Variants in AGBL1 observed in about 807,000 individuals in gnomAD.
AGBL1 encodes the protein AGBL carboxypeptidase 1, also known as cytosolic carboxypeptidase 4.
A neutral mutation model predicts 118.9 loss-of-function variants in AGBL1; 130 were observed. That is an observed-to-expected ratio of 1.09 (90% CI 0.95 to 1.26). The LOEUF (loss-of-function observed/expected upper bound fraction) is 1.26. AGBL1 is among the 50% of genes most tolerant of loss of function. The pLI is 0.00. For missense variants in AGBL1, 1,584 were observed against 1,298.1 expected, an observed-to-expected ratio of 1.22 and a Z score of -3.38; for synonymous variants, 555 against 478.9, an observed-to-expected ratio of 1.16 and a Z score of -2.08.
At chr15:86,083,745 A>G (rs1306073510) in intron 1 of AGBL1, 1 of 152,204 alleles carries the variant, frequency 6.6e-6, no homozygotes, top group Non-Finnish European at 1.5e-5. Context: ...AGGGTAGAAA[A>G]ATGATGACTG....
chr15:86,101,765 A>C (rs1395462986), intron 1 of AGBL1, among the ~76,000 whole-genome samples: 1 of 151,614 alleles, frequency 6.6e-6, no homozygotes, highest in African/African-American at 2.4e-5. Context: ...ATGTTTCTTT[A>C]CAGGTGAGAT....
At chr15:86,996,465 C>T (rs2081381303) in intron 24 of AGBL1, among the ~76,000 whole-genome samples, 1 of 152,124 alleles carries the variant, frequency 6.6e-6, no homozygotes, top group Admixed American at 6.6e-5. Flanking sequence ...GAGATTCACC[C>T]CTGTTCTTGC....
chr15:86,258,193 T>C (rs1400963883), intron 9 of AGBL1, among the ~76,000 whole-genome samples, 162 bp downstream of exon 9: 9 of 152,230 alleles, frequency 5.9e-5, no homozygotes, highest in African/African-American at 2.2e-4. Context: ...GCTACTGTTA[T>C]TGATTTCCAA....
chr15:86,384,382 A>C (rs1046420903), intron 17 of AGBL1, among the ~76,000 whole-genome samples: 5 of 152,106 alleles, frequency 3.3e-5, no homozygotes, highest in African/African-American at 1.2e-4. Context: ...AAATCAGCTG[A>C]TAGATTGATG....
chr15:86,744,154 C>A (rs1439574762), intron 22 of AGBL1, among the ~76,000 whole-genome samples: 1 of 152,018 alleles, frequency 6.6e-6, no homozygotes, highest in Non-Finnish European at 1.5e-5. Flanking sequence ...CAAACATTTC[C>A]AATGACTAAC....
At chr15:86,435,440 G>C (rs1006047856) in intron 18 of AGBL1, among the ~76,000 whole-genome samples, 1 of 152,162 alleles carries the variant, frequency 6.6e-6, no homozygotes, top group Non-Finnish European at 1.5e-5. Flanking sequence ...ACTTCAATCA[G>C]ACTTTTGGTA....
chr15:86,275,529 C>G (rs2079237117), intron 15 of AGBL1, among the ~76,000 whole-genome samples: 1 of 152,142 alleles, frequency 6.6e-6, no homozygotes, highest in East Asian at 1.9e-4. Context: ...ATGCACCCTG[C>G]TGAAAAGAAA....
At chr15:86,344,239 T>C (rs924789392) in intron 17 of AGBL1, among the ~76,000 whole-genome samples, 3 of 152,192 alleles carry the variant, frequency 2.0e-5, no homozygotes, top group Non-Finnish European at 4.4e-5. Context: ...ACTGTTATTG[T>C]CACACTGAGT....
At chr15:86,442,143 T>C (rs2082071707) in intron 18 of AGBL1, among the ~76,000 whole-genome samples, 1 of 152,230 alleles carries the variant, frequency 6.6e-6, no homozygotes, top group Admixed American at 6.5e-5. Flanking sequence ...TGTCACTGGG[T>C]ACCAGCTATG....
chr15:86,799,679 T>G (rs887480663), intron 22 of AGBL1, among the ~76,000 whole-genome samples: 5 of 152,162 alleles, frequency 3.3e-5, no homozygotes, highest in African/African-American at 1.2e-4. Context: ...TCACTTCTAT[T>G]TTTTTGTTGA....
At chr15:86,944,882 G>A (rs534364859) in intron 23 of AGBL1, among the ~76,000 whole-genome samples, 2 of 152,258 alleles carry the variant, frequency 1.3e-5, no homozygotes, top group Non-Finnish European at 2.9e-5. Context: ...CTTTTGCAGG[G>A]AAAAGGGTTT....
intron 5 of AGBL1, among the ~76,000 whole-genome samples, chr15:86,204,515 TCC>T (rs59757562): frequency 0.35 from 48,248 of 138,040 alleles, 8,236 homozygotes; most frequent in South Asian, 0.49. Context: ...CCCTTCCCCT[TCC>T]CCTTCCTTCC....
intron 22 of AGBL1, among the ~76,000 whole-genome samples, chr15:86,732,063 C>T (rs1453915364): frequency 1.3e-5 from 2 of 152,156 alleles, no homozygotes; most frequent in African/African-American, 2.4e-5. Flanking sequence ...ACTGTTATCC[C>T]CATTTTACAG....
At chr15:86,779,327 C>A (rs1439070341) in intron 22 of AGBL1, among the ~76,000 whole-genome samples, 3 of 152,206 alleles carry the variant, frequency 2.0e-5, no homozygotes, top group Non-Finnish European at 4.4e-5. Context: ...AGAACTCTAA[C>A]AAATAACTTT....
intron 22 of AGBL1, among the ~76,000 whole-genome samples, chr15:86,862,701 C>A (rs1441474642): frequency 5.3e-5 from 8 of 152,204 alleles, no homozygotes. Flanking sequence ...GCCTGGTTGA[C>A]AGAACGAGAC....
intron 23 of AGBL1, among the ~76,000 whole-genome samples, chr15:86,928,548 G>A (rs987193297): frequency 6.6e-6 from 1 of 152,112 alleles, no homozygotes; most frequent in African/African-American, 2.4e-5. Flanking sequence ...GCACTATCAC[G>A]TGCTGCAGAG....
intron 22 of AGBL1, among the ~76,000 whole-genome samples, chr15:86,707,726 T>G (rs2086478199): frequency 6.6e-6 from 1 of 152,200 alleles, no homozygotes; most frequent in Non-Finnish European, 1.5e-5. Context: ...AGGAGGCTGT[T>G]GAATTCTTCC....
chr15:86,622,650 G>A (rs1231842172), intron 21 of AGBL1, among the ~76,000 whole-genome samples: 3 of 152,106 alleles, frequency 2.0e-5, no homozygotes, highest in South Asian at 2.1e-4. Context: ...TCCCATGCAA[G>A]GGACTGGGGG....
intron 22 of AGBL1, among the ~76,000 whole-genome samples, chr15:86,839,171 T>A (rs571334650): frequency 6.6e-6 from 1 of 152,198 alleles, no homozygotes; most frequent in African/African-American, 2.4e-5. Context: ...GCTGCATTCA[T>A]CTCTCATTTA....
Sources: allele counts gnomAD v4.1 joint callset (sites outside exome capture counted in the v4.1 genomes callset), GRCh38; gene constraint gnomAD v4.1.1; transcripts MANE v1.5; gene names NCBI Gene and HGNC (gene_info 2026-07-23, HGNC 2026-07-21).